Variants in PIGQ observed in about 807,000 individuals in gnomAD.
PIGQ encodes the protein phosphatidylinositol glycan anchor biosynthesis class Q, also known as phosphatidylinositol N-acetylglucosaminyltransferase subunit Q.
Under a neutral mutation model 60.3 loss-of-function variants are expected in PIGQ, and 54 were observed. The ratio of observed to expected loss-of-function variants is 0.90; its 90% CI spans 0.72 to 1.12. The LOEUF is 1.12. Ranked by LOEUF, PIGQ falls within the 50% of genes most tolerant of loss-of-function variation. The pLI, the probability that PIGQ is intolerant of heterozygous loss-of-function variation, is 0.00. For missense variants in PIGQ, 799 were observed against 793.5 expected, an observed-to-expected ratio of 1.01 and a Z score of -0.08; for synonymous variants, 416 against 363.7, an observed-to-expected ratio of 1.14 and a Z score of -1.64.
At chr16:582,192 C>G (rs775553575) in intron 9 of PIGQ, 56 bp from the exon 10 acceptor site, 4 of 1,274,296 alleles carry the variant, frequency 3.1e-6, no homozygotes, top group Non-Finnish European at 4.5e-6. Context: ...AGCCTCTGCT[C>G]ATGTGTGGGG....
intron 4 of PIGQ, among the ~76,000 whole-genome samples, chr16:577,493 C>G (rs554286454): frequency 6.6e-6 from 1 of 150,610 alleles, no homozygotes; most frequent in Admixed American, 6.7e-5. Flanking sequence ...AAGAGAATGG[C>G]GTGAACCCGG....
chr16:573,010 G>A (rs748609843), intron 1 of PIGQ, among the ~76,000 whole-genome samples: 22 of 152,228 alleles, frequency 1.4e-4, no homozygotes, highest in Non-Finnish European at 2.8e-4. Context: ...CCAGCCAGCC[G>A]GCCAGTAGTG....
rs201270418 is a variant in PIGQ, at chr16:579,084, G to A, written c.1239G>A (p.Lys413=). The part of the protein sequence containing the change: ...YVYGARLYCL[K]IHGLSSLWRL... Reference sequence around the variant, plus strand: ...CGTCCTGTAGGCTGTACTGCCTGAAGATCCATGGCCTGTCCTCACTGTGGC... The same window carrying A: ...CGTCCTGTAGGCTGTACTGCCTGAAAATCCATGGCCTGTCCTCACTGTGGC... The change falls in exon 7 of 11, where the codon AAG becomes AAA. Residue 413 remains lysine, a synonymous_variant. Coordinates refer to ENST00000321878, the MANE Select transcript of PIGQ (RefSeq NM_004204.5). The A allele has an allele frequency of 9.3e-6, 15 of 1,612,656 alleles. No homozygotes were observed. The highest frequency in any genetic ancestry group is 1.3e-5 in the African/African-American group (1 of 75,034).
chr16:582,546 C>T (rs1456200933), intron 10 of PIGQ: 3 of 570,366 alleles, frequency 5.3e-6, no homozygotes, highest in Admixed American at 6.2e-5. Flanking sequence ...CGGAGGCGCC[C>T]TTGGCTGGCT....
rs35227916 is a variant in PIGQ at position 575,959 on chromosome 16, C to T, written c.810C>T (p.Ala270=). ...GTACACGGAAGGCGGAGAACCCTGC[C>T]CAGCTGATGAGGTGTGGGCCTGCCC... ...IFSTRKAENP[A]QLMRKANTVA... Residue 270 remains alanine (A), a synonymous_variant, in exon 3 of 11, where the codon GCC becomes GCT. Transcript: ENST00000321878. 9,755 of 1,584,596 alleles carry T rather than the reference C, an allele frequency of 6.2e-3. 54 individuals carry two copies. Among genetic ancestry groups the T allele is most frequent in the South Asian group, 0.019 (1,634 of 86,842 alleles).
intron 4 of PIGQ, chr16:576,641 G>A: frequency 2.2e-6 from 1 of 455,748 alleles, no homozygotes. Flanking sequence ...TGTCCAGGGA[G>A]GCCCATGTGC....
chr16:578,328 G>C, intron 4 of PIGQ, 51 bp from the exon 5 acceptor site: 2 of 1,574,264 alleles, frequency 1.3e-6, no homozygotes, highest in Non-Finnish European at 1.7e-6. Flanking sequence ...GGGAGATGCA[G>C]GTGCTGAGCC....
chr16:573,449 G>A (rs1485035433), intron 1 of PIGQ, among the ~76,000 whole-genome samples: 11 of 152,200 alleles, frequency 7.2e-5, no homozygotes, highest in Admixed American at 7.2e-4. Context: ...GAGCAACGAG[G>A]CAGGTCCTTC....
rs1037130127 is a variant in PIGQ at position 582,559 on chromosome 16, G to T, written c.1593+250G>T. On this transcript the variant is annotated intron_variant, in intron 10 of 10. Transcript: ENST00000321878. ...GTCGGAGGCGCCCTTGGCTGGCTGG[G>T]GCTGCCCTGGGCCCCACAGGGCTCA... 8.8e-6 allele frequency: 5 copies of T among 568,884 alleles called. No individual in the cohort carries two copies. The African/African-American group carries it at 9.3e-5, about 11-fold the overall frequency. 35.2% of individuals were successfully genotyped at this position (568,884 alleles called of 1,614,324 possible).
At chr16:572,568 G>A (rs1567174007) in intron 1 of PIGQ, 1 of 455,668 alleles carries the variant, frequency 2.2e-6, no homozygotes, top group East Asian at 7.0e-5. Flanking sequence ...CGTCCCTAAG[G>A]ATGTGGTGGG....
intron 1 of PIGQ, among the ~76,000 whole-genome samples, chr16:573,480 G>C (rs2035666306): frequency 6.6e-6 from 1 of 152,198 alleles, no homozygotes; most frequent in South Asian, 2.1e-4. Context: ...GGAGGGGCTT[G>C]TGGGAGGCAG....
In PIGQ at chr16:583,494, C is replaced by T. The variant is rs1481449989; in HGVS notation, c.*459C>T. 1.2e-6 allele frequency: 2 copies of T among 1,612,760 alleles called. No individual in the cohort carries two copies. Among genetic ancestry groups the T allele is most frequent in the South Asian group, 2.2e-5 (2 of 91,080 alleles). ...TGAACCCCCCAGTCCCAGGCACCCT[C>T]TAGCTCCCTCAGCCGAACAGCACCC... On this transcript the variant is annotated 3_prime_UTR_variant, in exon 11 of 11. Coordinates refer to ENST00000321878, the MANE Select transcript of PIGQ (RefSeq NM_004204.5).
rs1030436910 is a variant in PIGQ, at chr16:580,660, G to T, written c.1417-198G>T. 1.3e-5 allele frequency: 8 copies of T among 602,880 alleles called. No individual in the cohort carries two copies. In the Admixed American group the frequency reaches 2.0e-4, roughly 15 times the overall value. The allele number at this position is 602,880 out of a possible 1,614,324, so 37.3% of individuals were successfully genotyped here. A position where few individuals can be genotyped will look rare whatever the true frequency, so the allele number is the denominator to read the frequency against. ...GGAGGCACCTCTGACCTGGTGAGAGGGCCGGGTGCTCCGCCTCCAGCTTTG... is the reference window on the plus strand; with the variant it reads ...GGAGGCACCTCTGACCTGGTGAGAGTGCCGGGTGCTCCGCCTCCAGCTTTG... On this transcript the variant is annotated intron_variant, in intron 8 of 10. Transcript: ENST00000321878.
chr16:581,810 CTGGAGTGCAA>C (rs1425021951), intron 9 of PIGQ: 4 of 141,732 alleles, frequency 2.8e-5, no homozygotes, highest in African/African-American at 1.2e-4. Context: ...TTTGCCCAGG[CTGGAGTGCAA>C]TGGTGTGATC....
intron 1 of PIGQ, among the ~76,000 whole-genome samples, chr16:571,700 G>T (rs1167519146): frequency 2.0e-5 from 3 of 151,194 alleles, no homozygotes; most frequent in African/African-American, 7.3e-5. Context: ...GCTATCGATC[G>T]CTTCTCTTTC....
At chr16:579,530 G>A (rs76398643) in intron 7 of PIGQ, 12 of 47,924 alleles carry the variant, frequency 2.5e-4, no homozygotes, top group South Asian at 1.9e-3. Context: ...GAGACTAGAG[G>A]TGCCCCGGGC....
Position 583,582 on chromosome 16 carries a change from C to G in PIGQ, c.*547C>G, listed in dbSNP as rs2035852155. The G allele has an allele frequency of 1.9e-6, 3 of 1,612,778 alleles. No homozygotes were observed. Among genetic ancestry groups the G allele is most frequent in the Non-Finnish European group, 2.5e-6 (3 of 1,179,914 alleles). On this transcript the variant is annotated 3_prime_UTR_variant, in exon 11 of 11. Transcript: ENST00000321878. Reference sequence around the variant, plus strand: ...CCCAGCGGGCCCGGGCCCTCACTCCCTGAACCACACGGGGTTTATTTGCGG... The same window carrying G: ...CCCAGCGGGCCCGGGCCCTCACTCCGTGAACCACACGGGGTTTATTTGCGG...
At position 574,734 on chromosome 16, in the gene PIGQ, G is replaced by A; in HGVS notation, c.660G>A (p.Leu220=). The A allele has an allele frequency of 1.3e-6, 2 of 1,583,858 alleles. No individual in the cohort carries two copies. Among genetic ancestry groups the A allele is most frequent in the Non-Finnish European group, 1.7e-6 (2 of 1,169,920 alleles). The change falls in exon 2 of 11, where the codon CTG becomes CTA. Residue 220 remains leucine (L), a synonymous_variant. Coordinates refer to ENST00000321878, the MANE Select transcript of PIGQ (RefSeq NM_004204.5). The part of the protein sequence containing the change: ...GPICLLLASL[L]SLVSAVSACR... The stretch of plus-strand genomic sequence containing the variant: ...TTTGCCTGCTGTTGGCCAGCCTGCT[G>A]TCGCTGGTCTCAGCTGTCAGTGCCT...
rs2035683788 is a variant in PIGQ, at chr16:574,436, C to G, written c.362C>G (p.Pro121Arg). 1.9e-6 allele frequency: 3 copies of G among 1,610,928 alleles called. No individual in the cohort carries two copies. Among genetic ancestry groups the G allele is most frequent in the Non-Finnish European group, 2.5e-6 (3 of 1,179,226 alleles). Residue 121 changes from proline (P) to arginine (R), a missense_variant, in exon 2 of 11, where the codon CCT becomes CGT. Physicochemically the swap from Pro to Arg is moderately radical, Grantham distance 103 (BLOSUM62 -2). Coordinates refer to ENST00000321878, the MANE Select transcript of PIGQ (RefSeq NM_004204.5). ...HRQAPTAPGA[P>R]GEDQVMLIFY... is the part of the protein sequence containing the mutation. Reference sequence around the variant, plus strand: ...CAAGCGCCCACTGCCCCCGGTGCCCCTGGTGAGGACCAGGTCATGCTCATC... The same window carrying G: ...CAAGCGCCCACTGCCCCCGGTGCCCGTGGTGAGGACCAGGTCATGCTCATC...
Sources: allele counts gnomAD v4.1 joint callset (sites outside exome capture counted in the v4.1 genomes callset), GRCh38; gene constraint gnomAD v4.1.1; transcripts MANE v1.5; gene names NCBI Gene and HGNC (gene_info 2026-07-23, HGNC 2026-07-21).